Variants in COL26A1 observed in about 807,000 individuals in gnomAD.
COL26A1 encodes the protein collagen alpha-1(XXVI) chain.
Under a neutral mutation model 59.3 loss-of-function variants are expected in COL26A1, and 41 were observed. The ratio of observed to expected loss-of-function variants is 0.69; its 90% CI spans 0.54 to 0.90. The LOEUF (loss-of-function observed/expected upper bound fraction) is 0.90. Among genes scored for constraint, COL26A1 ranks in the 40% least tolerant of loss-of-function variants. COL26A1 has a pLI of 0.00. For synonymous variants in COL26A1, 266 were observed against 256.0 expected, an observed-to-expected ratio of 1.04 and a Z score of -0.37; for missense variants, 612 against 602.3, an observed-to-expected ratio of 1.02 and a Z score of -0.17.
At chr7:101,539,708 G>A (rs1795566682) in intron 4 of COL26A1, among the ~76,000 whole-genome samples, 185 bp from the exon 5 acceptor site, 1 of 152,202 alleles carries the variant, frequency 6.6e-6, no homozygotes, top group African/African-American at 2.4e-5. Context: ...TCAGAAGGAG[G>A]AGAGGGCTGG....
intron 3 of COL26A1, among the ~76,000 whole-genome samples, chr7:101,506,115 T>G (rs1201512632): frequency 6.6e-6 from 1 of 152,232 alleles, no homozygotes; most frequent in Non-Finnish European, 1.5e-5. Context: ...GGGAATGGAC[T>G]CTGGGTGAAA....
intron 1 of COL26A1, among the ~76,000 whole-genome samples, chr7:101,408,236 GGACTGAGGCAGGAATGAGCAGAAGGA>G (rs1324943109): frequency 6.6e-6 from 1 of 152,146 alleles, no homozygotes; most frequent in Non-Finnish European, 1.5e-5. Flanking sequence ...GGAAGGGAGG[GGACTGAGGCAGGAATGAGCAGAAGGA>G]GACGAGCCTC....
intron 3 of COL26A1, among the ~76,000 whole-genome samples, chr7:101,492,699 A>AAAATAAAT (rs200117030): frequency 2.8e-4 from 39 of 141,240 alleles, no homozygotes; most frequent in East Asian, 6.3e-4. Flanking sequence ...TCTGTCTCAA[A>AAAATAAAT]AAATAAATAA....
At chr7:101,552,715 T>C (rs1165577524) in intron 10 of COL26A1, among the ~76,000 whole-genome samples, 4 of 152,184 alleles carry the variant, frequency 2.6e-5, no homozygotes, top group Admixed American at 2.0e-4. Flanking sequence ...GAGATGAGCC[T>C]GGCCAACATG....
upstream of COL26A1, chr7:101,362,820 C>T (rs1790921350): frequency 1.8e-6 from 1 of 542,352 alleles, no homozygotes; most frequent in Non-Finnish European, 3.2e-6. Context: ...CCCCCTTTGA[C>T]GGCTTAGAGC....
chr7:101,422,101 C>T lies in COL26A1; in HGVS notation c.281+2002C>T, dbSNP rs2410826. Among the ~76,000 whole-genome samples, 1,260 of 152,082 alleles carry T rather than the reference C, an allele frequency of 8.3e-3. 11 individuals carry two copies. Among genetic ancestry groups the T allele is most frequent in the African/African-American group, 0.029 (1,196 of 41,496 alleles). ...CTGAGGCAGGTGGATCACCTGAGGT[C>T]GGGAGTTCGAGACTAGCATGACCAA... On this transcript the variant is annotated intron_variant, in intron 2 of 12. Transcript: ENST00000313669.
intron 1 of COL26A1, among the ~76,000 whole-genome samples, chr7:101,366,420 T>C (rs1791046879): frequency 6.7e-6 from 1 of 149,178 alleles, no homozygotes; most frequent in Non-Finnish European, 1.5e-5. Context: ...GACAGGGCTG[T>C]TTCTTGACAA....
chr7:101,539,343 TTC>T (rs897082366), intron 4 of COL26A1, among the ~76,000 whole-genome samples: 2 of 151,124 alleles, frequency 1.3e-5, no homozygotes, highest in Non-Finnish European at 1.5e-5. Context: ...TGCTTTTTTT[TTC>T]TCTCTCTCTC....
intron 3 of COL26A1, among the ~76,000 whole-genome samples, chr7:101,522,545 T>C (rs1214479677): frequency 1.3e-5 from 2 of 152,088 alleles, no homozygotes; most frequent in Non-Finnish European, 2.9e-5. Flanking sequence ...CCACTAAGTC[T>C]AGAAAAAGCA....
At chr7:101,524,368 A>G (rs1795198752) in intron 3 of COL26A1, among the ~76,000 whole-genome samples, 1 of 152,172 alleles carries the variant, frequency 6.6e-6, no homozygotes, top group Admixed American at 6.5e-5. Context: ...CAGTTGAGTT[A>G]CAAAGGAAAA....
intron 1 of COL26A1, among the ~76,000 whole-genome samples, chr7:101,397,371 TCTTC>T (rs1562961729): frequency 6.6e-6 from 1 of 150,866 alleles, no homozygotes; most frequent in East Asian, 2.0e-4. Flanking sequence ...CTTCCTTCCT[TCTTC>T]TTCATCTTCT....
intron 8 of COL26A1, among the ~76,000 whole-genome samples, chr7:101,547,482 A>G (rs956045907): frequency 6.6e-6 from 1 of 152,252 alleles, no homozygotes. Context: ...AGATGCCTGC[A>G]TGAGGCTGCC....
intron 1 of COL26A1, among the ~76,000 whole-genome samples, chr7:101,402,208 C>T (rs534153371): frequency 1.3e-5 from 2 of 152,132 alleles, no homozygotes; most frequent in Non-Finnish European, 2.9e-5. Context: ...GGTGGAGACT[C>T]GCTGGGCTGT....
At chr7:101,526,820 G>A (rs1447661813) in intron 3 of COL26A1, among the ~76,000 whole-genome samples, 1 of 152,218 alleles carries the variant, frequency 6.6e-6, no homozygotes, top group East Asian at 1.9e-4. Context: ...CACTGGAGCT[G>A]ATCCAGTGTA....
chr7:101,480,677 A>AT (rs1487672122), intron 3 of COL26A1, among the ~76,000 whole-genome samples: 1 of 151,768 alleles, frequency 6.6e-6, no homozygotes, highest in African/African-American at 2.4e-5. Flanking sequence ...TTTGGGGGGT[A>AT]TTTTTTGTAA....
intron 3 of COL26A1, among the ~76,000 whole-genome samples, chr7:101,474,615 A>G (rs556340457): frequency 6.6e-6 from 1 of 152,002 alleles, no homozygotes; most frequent in South Asian, 2.1e-4. Context: ...ATAAAATAAA[A>G]TAAAATACAG....
intron 2 of COL26A1, among the ~76,000 whole-genome samples, chr7:101,437,208 G>A (rs562963889): frequency 8.5e-5 from 13 of 152,154 alleles, no homozygotes; most frequent in Non-Finnish European, 1.5e-4. Flanking sequence ...GGTACTTTGA[G>A]GGTGTAGATT....
At chr7:101,475,590 C>T (rs1052243919) in intron 3 of COL26A1, among the ~76,000 whole-genome samples, 4 of 151,842 alleles carry the variant, frequency 2.6e-5, no homozygotes, top group East Asian at 1.9e-4. Flanking sequence ...CACTAAGTTA[C>T]GGGCTGGACG....
At chr7:101,393,746 C>G (rs1791788200) in intron 1 of COL26A1, among the ~76,000 whole-genome samples, 1 of 148,178 alleles carries the variant, frequency 6.7e-6, no homozygotes. Context: ...TGTGCCTGGC[C>G]AATTTTTAAT....
Sources: allele counts gnomAD v4.1 joint callset (sites outside exome capture counted in the v4.1 genomes callset), GRCh38; gene constraint gnomAD v4.1.1; transcripts MANE v1.5; gene names NCBI Gene and HGNC (gene_info 2026-07-23, HGNC 2026-07-21).